Variants in ABCC9 observed in about 807,000 individuals in gnomAD.
ABCC9 encodes ATP-binding cassette sub-family C member 9.
A neutral mutation model predicts 188.3 loss-of-function variants in ABCC9; 95 were observed. That is an observed-to-expected ratio of 0.50 (90% CI 0.43 to 0.60). The LOEUF is 0.60. ABCC9 is among the 20% of genes least tolerant of loss of function. The probability of loss-of-function intolerance (pLI) is 0.00; values close to 1 mark genes in which losing one functional copy is unlikely to be tolerated. For missense variants in ABCC9, 1,102 were observed against 1,876.3 expected, an observed-to-expected ratio of 0.59 and a Z score of 7.62; for synonymous variants, 659 against 652.7, an observed-to-expected ratio of 1.01 and a Z score of -0.15.
At chr12:21,816,789 C>A (rs1475079837) in intron 33 of ABCC9, among the ~76,000 whole-genome samples, 3 of 152,090 alleles carry the variant, frequency 2.0e-5, no homozygotes, top group Non-Finnish European at 4.4e-5. Flanking sequence ...ATTCTGTCCT[C>A]AGTATTGAAT....
chr12:21,859,597 T>A lies in ABCC9; in HGVS notation c.2494A>T (p.Ile832Phe), dbSNP rs1230517721. The A allele has an allele frequency of 6.2e-7, 1 of 1,613,694 alleles. No individual in the cohort carries two copies. Among genetic ancestry groups the A allele is most frequent in the Non-Finnish European group, 8.5e-7 (1 of 1,179,730 alleles). ...GGCCATATTCTTACCAAAAAGACAA[T>A]GTTGGTGTTTTGATACAGCGCTCGT... ...VARALYQNTNIVFLDDPFSAL... is the reference protein window; with the variant it reads ...VARALYQNTNFVFLDDPFSAL... The change falls in exon 22 of 40, where the codon ATT becomes TTT. Residue 832 changes from isoleucine to phenylalanine, a missense_variant. By Grantham distance (21) the Ile-to-Phe change is conservative. Coordinates refer to ENST00000261200, the MANE Select transcript of ABCC9 (RefSeq NM_020297.4).
chr12:21,834,197 T>C (rs531482146), intron 30 of ABCC9, among the ~76,000 whole-genome samples: 2 of 152,212 alleles, frequency 1.3e-5, no homozygotes, highest in Non-Finnish European at 2.9e-5. Context: ...TCAATTTCTT[T>C]TTAAAATGCT....
Position 21,844,803 on chromosome 12 carries a change from T to C in ABCC9, c.3209A>G (p.His1070Arg). The change falls in exon 27 of 40, where the codon CAC becomes CGC. Residue 1070 changes from histidine (H) to arginine (R), a missense_variant. By Grantham distance (29) the His-to-Arg change is conservative. This residue lies in a region of ABCC9 where 74 missense variants were observed against 132.7 expected (regional missense o/e 0.56). Coordinates refer to ENST00000261200, the MANE Select transcript of ABCC9 (RefSeq NM_020297.4). ...MGLTAAKNLH[H>R]NLLNKIILGP... is the part of the protein sequence containing the mutation. ...AAGGATTATCTTATTGAGAAGGTTG[T>C]GGTGAAGATTTTTGGCAGCTGTGAG... 6.2e-7 allele frequency: 1 copy of C among 1,614,034 alleles called. No homozygotes were observed. The highest frequency in any genetic ancestry group is 8.5e-7 in the Non-Finnish European group (1 of 1,179,900).
chr12:21,885,448 A>G (rs916194696), intron 15 of ABCC9, among the ~76,000 whole-genome samples: 1 of 152,250 alleles, frequency 6.6e-6, no homozygotes, highest in Non-Finnish European at 1.5e-5. Flanking sequence ...ATACAAAAAA[A>G]TTCTTCAGAT....
intron 25 of ABCC9, among the ~76,000 whole-genome samples, chr12:21,847,123 C>T (rs147468446): frequency 2.1e-3 from 315 of 152,184 alleles, no homozygotes; most frequent in Middle Eastern, 3.4e-3. Flanking sequence ...ACTTCATTTA[C>T]CCTGTAAGCA....
chr12:21,832,421 C>A (rs1480046257), intron 30 of ABCC9, among the ~76,000 whole-genome samples: 2 of 152,068 alleles, frequency 1.3e-5, no homozygotes, highest in African/African-American at 2.4e-5. Flanking sequence ...ACCACAAGTA[C>A]CAAATGTAAG....
intron 4 of ABCC9, 78 bp from the exon 5 acceptor site, chr12:21,926,141 G>T (rs1949036303): frequency 1.9e-6 from 3 of 1,585,812 alleles, no homozygotes; most frequent in Non-Finnish European, 2.6e-6. Context: ...TTTTTCATAA[G>T]AACTCTATCT....
intron 14 of ABCC9, among the ~76,000 whole-genome samples, chr12:21,890,385 C>T (rs1025325825): frequency 6.6e-6 from 1 of 152,162 alleles, no homozygotes; most frequent in Non-Finnish European, 1.5e-5. Context: ...CCTCCAATGA[C>T]ACTGAACTAC....
chr12:21,923,673 G>A (rs1948927159), intron 5 of ABCC9: 1 of 585,480 alleles, frequency 1.7e-6, no homozygotes, highest in Non-Finnish European at 3.0e-6. Flanking sequence ...TTGTTAGTGA[G>A]TATAAAAAAT....
intron 34 of ABCC9, 87 bp downstream of exon 34, chr12:21,815,676 G>A: frequency 1.3e-6 from 2 of 1,522,118 alleles, no homozygotes; most frequent in East Asian, 2.3e-5. Context: ...TTACTTGGCT[G>A]GGAAGTATGA....
chr12:21,915,452 A>G (rs564513004), intron 7 of ABCC9, among the ~76,000 whole-genome samples: 1 of 82,762 alleles, frequency 1.2e-5, no homozygotes, highest in African/African-American at 4.1e-5. Flanking sequence ...ATATATGTAT[A>G]TATGTGTGTA....
rs1941353577 is a variant in ABCC9, at chr12:21,799,957, T to C, written c.*1087A>G. 1 of 152,228 alleles carries C rather than the reference T, an allele frequency of 6.6e-6. No homozygotes were observed. The highest frequency in any genetic ancestry group is 1.5e-5 in the Non-Finnish European group (1 of 68,040). The allele number at this position is 152,228 out of a possible 1,614,324, so 9.4% of individuals were successfully genotyped here. ...ATTAAAATTACAATAACATTTTTGG[T>C]ATATTTTTTGTATGCACATTAAAAT... On this transcript the variant is annotated 3_prime_UTR_variant, in exon 40 of 40. Transcript: ENST00000261200.
At chr12:21,862,362 A>G (rs1268157346) in intron 20 of ABCC9, among the ~76,000 whole-genome samples, 1 of 151,986 alleles carries the variant, frequency 6.6e-6, no homozygotes, top group East Asian at 1.9e-4. Context: ...TTTGTCTTTC[A>G]TATGGTCTAC....
intron 4 of ABCC9, 22 bp downstream of exon 4, chr12:21,933,760 T>G (rs1324850894): frequency 6.2e-7 from 1 of 1,612,790 alleles, no homozygotes; most frequent in South Asian, 1.1e-5. Flanking sequence ...TGCAGTGGTA[T>G]TATTTAACTT....
At chr12:21,906,478 A>T (rs1565470875) in intron 11 of ABCC9, among the ~76,000 whole-genome samples, 190 bp from the exon 12 acceptor site, 1 of 152,196 alleles carries the variant, frequency 6.6e-6, no homozygotes, top group Non-Finnish European at 1.5e-5. Context: ...GTTTAATGAG[A>T]TGGCCTCAAC....
chr12:21,814,177 G>A lies in ABCC9; in HGVS notation c.4102+467C>T, dbSNP rs112951607. 4.6e-4 allele frequency among the ~76,000 whole-genome samples: 70 copies of A among 152,228 alleles called. 1 individual carries two copies. The highest frequency in any genetic ancestry group is 1.6e-3 in the African/African-American group (66 of 41,550). On this transcript the variant is annotated intron_variant, in intron 35 of 39. Coordinates refer to ENST00000261200, the MANE Select transcript of ABCC9 (RefSeq NM_020297.4). ...AGCAAAGGTTGCCTCCTCACAAAAC[G>A]TTCAATGTCATTAAGCAATGTTATT...
intron 18 of ABCC9, among the ~76,000 whole-genome samples, chr12:21,871,443 A>C (rs1294018680): frequency 6.6e-6 from 1 of 152,206 alleles, no homozygotes; most frequent in Non-Finnish European, 1.5e-5. Flanking sequence ...TGCCAATGAC[A>C]CTGAAAACAG....
At chr12:21,802,410 A>T (rs1941503366) in intron 39 of ABCC9, among the ~76,000 whole-genome samples, 1 of 152,216 alleles carries the variant, frequency 6.6e-6, no homozygotes, top group African/African-American at 2.4e-5. Flanking sequence ...GCCACAAGTA[A>T]TTTTAAATTT....
Position 21,847,315 on chromosome 12 carries a change from C to A in ABCC9, c.2866+835G>T, listed in dbSNP as rs571037355. Among the ~76,000 whole-genome samples the A allele has an allele frequency of 3.3e-5, 5 of 152,206 alleles. No individual in the cohort carries two copies. The East Asian group carries it at 9.7e-4, about 29-fold the overall frequency. On this transcript the variant is annotated intron_variant, in intron 25 of 39. Coordinates refer to ENST00000261200, the MANE Select transcript of ABCC9 (RefSeq NM_020297.4). ...ATGTCTGTTTACAGCACCAAAAATT[C>A]TTTAAGAACATTTTTAATCATAGAA...
Sources: gnomAD v4.1 joint callset for allele counts (sites outside exome capture counted in the v4.1 genomes callset) on GRCh38, gnomAD v4.1.1 for gene constraint, gnomAD v4.1.1 regional missense constraint, MANE v1.5 for transcripts, NCBI Gene and HGNC (gene_info 2026-07-23, HGNC 2026-07-21) for gene names.